Variants in DLGAP1 observed in about 807,000 individuals in gnomAD.
DLGAP1 encodes the protein DLG associated protein 1, also known as disks large-associated protein 1.
A neutral mutation model predicts 90.8 loss-of-function variants in DLGAP1; 11 were observed. The observed-to-expected ratio is 0.12, with a 90% CI of 0.08 to 0.20. The LOEUF (loss-of-function observed/expected upper bound fraction) is 0.20. Ranked by LOEUF, DLGAP1 falls within the 10% of genes least tolerant of loss-of-function variation. The probability of loss-of-function intolerance (pLI) is 1.00; values close to 1 mark genes in which losing one functional copy is unlikely to be tolerated. For synonymous variants in DLGAP1, 558 were observed against 540.7 expected (o/e 1.03, Z -0.44); for missense variants, 1,050 against 1,333.8 (o/e 0.79, Z 3.31).
Position 3,775,371 on chromosome 18 carries a change from C to T in DLGAP1, c.1173-32859G>A, listed in dbSNP as rs1409882936. On this transcript the variant is annotated intron_variant, in intron 5 of 12. Transcript: ENST00000315677. The surrounding 1 kb of genome is among the most constrained non-coding windows in gnomAD (Gnocchi z 4.9). The stretch of plus-strand genomic sequence containing the variant: ...GACTGAATCATGGGGGCAGACTTCC[C>T]TCTTGCTGTTCTCTTGATAGAGTTC... 6.6e-6 allele frequency among the ~76,000 whole-genome samples: 1 copy of T among 152,166 alleles called. No homozygotes were observed. Among genetic ancestry groups the T allele is most frequent in the Non-Finnish European group, 1.5e-5 (1 of 68,042 alleles).
chr18:3,594,743 ATC>A (rs1329872016), intron 7 of DLGAP1, among the ~76,000 whole-genome samples: 2 of 152,112 alleles, frequency 1.3e-5, no homozygotes, highest in African/African-American at 4.8e-5. Flanking sequence ...TTTCCACCCA[ATC>A]TCTTTCTTCA....
intron 1 of DLGAP1, among the ~76,000 whole-genome samples, chr18:4,155,268 T>C (rs1253233317): frequency 6.6e-6 from 1 of 152,120 alleles, no homozygotes; most frequent in Non-Finnish European, 1.5e-5. Flanking sequence ...TGTGCACAAT[T>C]TACTTCTACA....
At chr18:3,865,140 G>A (rs1345303801) in intron 4 of DLGAP1, among the ~76,000 whole-genome samples, 2 of 152,162 alleles carry the variant, frequency 1.3e-5, no homozygotes, top group Non-Finnish European at 2.9e-5. Flanking sequence ...ATTTAATTGG[G>A]TTTGAAGACT....
intron 5 of DLGAP1, among the ~76,000 whole-genome samples, chr18:3,759,226 C>G (rs375984476): frequency 3.4e-5 from 5 of 147,342 alleles, no homozygotes; most frequent in African/African-American, 1.3e-4. Context: ...GATGCTGCAA[C>G]TTATTATTTG....
intron 4 of DLGAP1, 71 bp from the exon 5 acceptor site, chr18:3,814,344 T>C: frequency 6.9e-7 from 1 of 1,440,262 alleles, no homozygotes; most frequent in Non-Finnish European, 9.4e-7. Context: ...TTCTTTTTTT[T>C]TAGATTTAAC....
At chr18:3,629,924 C>T (rs1200247212) in intron 7 of DLGAP1, among the ~76,000 whole-genome samples, 5 of 152,162 alleles carry the variant, frequency 3.3e-5, no homozygotes, top group African/African-American at 1.2e-4. Flanking sequence ...ATTTCAGAAA[C>T]TTCCCCTACC....
intron 5 of DLGAP1, among the ~76,000 whole-genome samples, chr18:3,781,983 T>C (rs1366849753): frequency 2.6e-5 from 4 of 152,042 alleles, no homozygotes; most frequent in Non-Finnish European, 4.4e-5. Context: ...GTTATTGTTG[T>C]TTTTTTGTTG....
At chr18:3,600,871 T>TAC (rs1568278858) in intron 7 of DLGAP1, among the ~76,000 whole-genome samples, 25 of 60,964 alleles carry the variant, frequency 4.1e-4, no homozygotes, top group Admixed American at 7.1e-4. Context: ...TATAGATATA[T>TAC]AGATATATAG....
intron 2 of DLGAP1, among the ~76,000 whole-genome samples, chr18:4,007,479 AC>A (rs1459445842): frequency 6.6e-6 from 1 of 152,004 alleles, no homozygotes; most frequent in Non-Finnish European, 1.5e-5. Context: ...ACATGGCAAA[AC>A]CCCGTCTCTA....
intron 3 of DLGAP1, among the ~76,000 whole-genome samples, chr18:3,963,794 C>G (rs1377018926): frequency 2.0e-5 from 3 of 152,032 alleles, no homozygotes; most frequent in Admixed American, 6.6e-5. Context: ...CGTCCAACAC[C>G]TAGGCTATCT....
At chr18:3,971,364 G>A (rs7241315) in intron 3 of DLGAP1, among the ~76,000 whole-genome samples, 14,009 of 151,998 alleles carry the variant, frequency 0.092, 1,368 homozygotes, top group African/African-American at 0.25. Flanking sequence ...TGCTACCGAT[G>A]GTAACAAATT....
intron 2 of DLGAP1, among the ~76,000 whole-genome samples, chr18:4,144,514 A>G (rs1012219308): frequency 1.3e-5 from 2 of 152,202 alleles, no homozygotes; most frequent in Admixed American, 6.5e-5. Context: ...TAGGCAATTC[A>G]ACACTGTTTT....
At chr18:4,327,879 T>G (rs2080857932) in intron 1 of DLGAP1, among the ~76,000 whole-genome samples, 1 of 151,980 alleles carries the variant, frequency 6.6e-6, no homozygotes, top group Admixed American at 6.6e-5. Flanking sequence ...GTATATACCA[T>G]GCCGACATGT....
At chr18:3,532,086 C>T (rs377033172) in intron 10 of DLGAP1, among the ~76,000 whole-genome samples, 2 of 151,846 alleles carry the variant, frequency 1.3e-5, no homozygotes, top group East Asian at 2.0e-4. Context: ...AACTCCTGAC[C>T]TCAAGCGATC....
At chr18:3,852,195 TC>T (rs938173290) in intron 4 of DLGAP1, among the ~76,000 whole-genome samples, 1 of 152,106 alleles carries the variant, frequency 6.6e-6, no homozygotes, top group Non-Finnish European at 1.5e-5. Context: ...GAAAAAGATA[TC>T]CATTGTATCA....
intron 1 of DLGAP1, among the ~76,000 whole-genome samples, chr18:4,374,785 A>G (rs2081982628): frequency 6.6e-6 from 1 of 152,160 alleles, no homozygotes; most frequent in East Asian, 1.9e-4. Context: ...AATAGTTAAG[A>G]AGTGAGAAAA....
intron 2 of DLGAP1, among the ~76,000 whole-genome samples, chr18:4,095,372 T>C (rs1182411520): frequency 6.6e-6 from 1 of 152,150 alleles, no homozygotes; most frequent in African/African-American, 2.4e-5. Flanking sequence ...TAGGCTTGGA[T>C]GCTTTTAGAC....
At chr18:3,945,008 G>C (rs2072849531) in intron 3 of DLGAP1, among the ~76,000 whole-genome samples, 1 of 152,100 alleles carries the variant, frequency 6.6e-6, no homozygotes, top group African/African-American at 2.4e-5. Context: ...AAATCTTTAT[G>C]GTTTCTTACA....
chr18:3,755,839 C>T (rs536738171), intron 5 of DLGAP1, among the ~76,000 whole-genome samples: 3 of 152,310 alleles, frequency 2.0e-5, no homozygotes, highest in African/African-American at 7.2e-5. Flanking sequence ...CTATAGAACA[C>T]TCCACTAAAC....
Sources: allele counts gnomAD v4.1 joint callset (sites outside exome capture counted in the v4.1 genomes callset), GRCh38; gene constraint gnomAD v4.1.1; non-coding constraint Gnocchi (gnomAD v3.1); transcripts MANE v1.5; gene names NCBI Gene and HGNC (gene_info 2026-07-23, HGNC 2026-07-21).